The following CTNND2 variants were observed in gnomAD, a reference collection of about 807,000 sequenced individuals.
CTNND2 encodes catenin delta-2.
Under a neutral mutation model 144.4 loss-of-function variants are expected in CTNND2, and 22 were observed. That is an observed-to-expected ratio of 0.15 (90% CI 0.11 to 0.22). The LOEUF is 0.22. Among genes scored for constraint, CTNND2 ranks in the 10% least tolerant of loss-of-function variants. CTNND2 has a pLI of 1.00. For missense variants in CTNND2, 1,353 were observed against 1,618.8 expected, an observed-to-expected ratio of 0.84 and a Z score of 2.82; for synonymous variants, 751 against 695.6, an observed-to-expected ratio of 1.08 and a Z score of -1.25.
At chr5:11,719,329 T>G (rs1265940340) in intron 2 of CTNND2, among the ~76,000 whole-genome samples, 2 of 152,180 alleles carry the variant, frequency 1.3e-5, no homozygotes, top group Non-Finnish European at 2.9e-5. Flanking sequence ...GCAGAAGCCA[T>G]GAAAATTACC....
At chr5:11,808,650 T>C (rs1792142489) in intron 1 of CTNND2, among the ~76,000 whole-genome samples, 1 of 152,202 alleles carries the variant, frequency 6.6e-6, no homozygotes, top group African/African-American at 2.4e-5. Flanking sequence ...CTGCATCTGC[T>C]TTCTTTCTTC....
At chr5:11,686,449 C>A (rs887198049) in intron 2 of CTNND2, among the ~76,000 whole-genome samples, 1 of 152,082 alleles carries the variant, frequency 6.6e-6, no homozygotes, top group Non-Finnish European at 1.5e-5. Flanking sequence ...TTAGGGAAGA[C>A]ATGTGCTATT....
intron 16 of CTNND2, among the ~76,000 whole-genome samples, chr5:11,051,042 G>C (rs1036971668): frequency 1.3e-5 from 2 of 152,190 alleles, no homozygotes; most frequent in Non-Finnish European, 1.5e-5. Context: ...GCTCAGAATA[G>C]ACAGCCTTTG....
chr5:11,352,391 C>G (rs1024217987), intron 8 of CTNND2, among the ~76,000 whole-genome samples: 2 of 152,034 alleles, frequency 1.3e-5, no homozygotes, highest in African/African-American at 4.8e-5. Context: ...CTTGTTATAA[C>G]CTTGAAAAAA....
chr5:11,367,057 C>A (rs1265915292), intron 7 of CTNND2, among the ~76,000 whole-genome samples: 1 of 152,164 alleles, frequency 6.6e-6, no homozygotes, highest in Admixed American at 6.5e-5. Flanking sequence ...GAATAGGATA[C>A]TATACTTTTT....
intron 1 of CTNND2, among the ~76,000 whole-genome samples, chr5:11,818,317 G>A (rs985505981): frequency 6.6e-5 from 10 of 151,710 alleles, no homozygotes; most frequent in Non-Finnish European, 1.0e-4. Flanking sequence ...TACATCACAC[G>A]GCTCATGACT....
rs778134907 is a variant in CTNND2 at position 11,102,970 on chromosome 5, A to ATTTT, written c.2464-4226_2464-4223dup. Among the ~76,000 whole-genome samples, 95 of 84,094 alleles carry ATTTT rather than the reference A, an allele frequency of 1.1e-3. 7 individuals are homozygous for ATTTT. The highest frequency in any genetic ancestry group is 1.0e-3 in the Non-Finnish European group (48 of 46,210). The allele number at this position is 84,094 out of a possible 152,430, so 55.2% of individuals were successfully genotyped here. A position where few individuals can be genotyped will look rare whatever the true frequency, so the allele number is the denominator to read the frequency against. ...GCAGGGCTTAAATTCTATTTAAAAG[A>ATTTT]TTTTTTTTTTTTTTTTTTTTTTTTT... On this transcript the variant is annotated intron_variant, in intron 14 of 21. Coordinates refer to ENST00000304623, the MANE Select transcript of CTNND2 (RefSeq NM_001332.4).
At chr5:11,133,809 C>T (rs568432021) in intron 12 of CTNND2, among the ~76,000 whole-genome samples, 14 of 152,266 alleles carry the variant, frequency 9.2e-5, no homozygotes, top group African/African-American at 2.2e-4. Flanking sequence ...CAGGGCAGCT[C>T]GAAGATTCTG....
rs555205356 is a variant in CTNND2 at position 11,181,981 on chromosome 5, G to A, written c.1975+17467C>T. 5.6e-5 allele frequency among the ~76,000 whole-genome samples: 8 copies of A among 143,408 alleles called. No individual in the cohort carries two copies. In the South Asian group the frequency reaches 1.9e-3, roughly 33 times the overall value. 94.1% of individuals were successfully genotyped at this position (143,408 alleles called of 152,430 possible). A position where few individuals can be genotyped will look rare whatever the true frequency, so the allele number is the denominator to read the frequency against. On this transcript the variant is annotated intron_variant, in intron 11 of 21. Coordinates refer to ENST00000304623, the MANE Select transcript of CTNND2 (RefSeq NM_001332.4). ...GGTATCTGTGTAGTATGTGTGTGGT[G>A]TGTGTGTAGTATGTGTGTGGTGTGT... is the stretch of plus-strand genomic sequence containing the variant.
At chr5:11,149,240 A>G (rs1375584917) in intron 12 of CTNND2, among the ~76,000 whole-genome samples, 2 of 152,316 alleles carry the variant, frequency 1.3e-5, no homozygotes, top group East Asian at 1.9e-4. Context: ...TAGCTCCGTG[A>G]GCAGTCAGCA....
intron 9 of CTNND2, among the ~76,000 whole-genome samples, chr5:11,317,726 G>C (rs1328572969): frequency 6.6e-6 from 1 of 151,926 alleles, no homozygotes; most frequent in African/African-American, 2.4e-5. Context: ...TGCAGTCTTT[G>C]AAAGCCTTGA....
At chr5:11,688,713 C>T (rs566451149) in intron 2 of CTNND2, among the ~76,000 whole-genome samples, 1 of 152,198 alleles carries the variant, frequency 6.6e-6, no homozygotes, top group Admixed American at 6.5e-5. Context: ...ACCCACCACC[C>T]AGGAGAAGGG....
intron 3 of CTNND2, among the ~76,000 whole-genome samples, chr5:11,536,811 G>C (rs750589916): frequency 6.6e-5 from 10 of 152,046 alleles, no homozygotes; most frequent in Non-Finnish European, 7.3e-5. Context: ...CAAAATCTCA[G>C]AAATCACCAC....
intron 12 of CTNND2, among the ~76,000 whole-genome samples, chr5:11,128,926 C>T (rs372627521): frequency 0.023 from 571 of 24,364 alleles, 9 homozygotes; most frequent in Non-Finnish European, 0.043. Flanking sequence ...ATATATAATA[C>T]ATAAATATAT....
intron 2 of CTNND2, among the ~76,000 whole-genome samples, chr5:11,679,469 A>T (rs1784331933): frequency 6.6e-6 from 1 of 152,190 alleles, no homozygotes; most frequent in Non-Finnish European, 1.5e-5. Context: ...GGACCATCTT[A>T]TTAGCAGGTT....
intron 16 of CTNND2, among the ~76,000 whole-genome samples, chr5:11,052,681 C>G (rs530054968): frequency 6.6e-6 from 1 of 152,202 alleles, no homozygotes; most frequent in Admixed American, 6.5e-5. Flanking sequence ...GTGCTGTCCC[C>G]CTTACCACAG....
At chr5:11,099,546 G>A (rs1751673083) in intron 14 of CTNND2, among the ~76,000 whole-genome samples, 1 of 152,126 alleles carries the variant, frequency 6.6e-6, no homozygotes, top group Non-Finnish European at 1.5e-5. Flanking sequence ...AGCAAAGCAG[G>A]ATGCAAAGTA....
chr5:11,056,579 A>G (rs1746371829), intron 16 of CTNND2, among the ~76,000 whole-genome samples: 1 of 152,138 alleles, frequency 6.6e-6, no homozygotes, highest in South Asian at 2.1e-4. Context: ...TAGCCTCCCG[A>G]GCAGCTGGGA....
intron 1 of CTNND2, among the ~76,000 whole-genome samples, chr5:11,880,501 G>C (rs374327498): frequency 7.9e-6 from 1 of 126,030 alleles, no homozygotes; most frequent in South Asian, 2.9e-4. Context: ...ACTGCTACTA[G>C]TACTACTACT....
Sources: gnomAD v4.1 joint callset for allele counts (sites outside exome capture counted in the v4.1 genomes callset) on GRCh38, gnomAD v4.1.1 for gene constraint, MANE v1.5 for transcripts, NCBI Gene and HGNC (gene_info 2026-07-23, HGNC 2026-07-21) for gene names.